SSNA1: variants seen among roughly 807,000 people sequenced by gnomAD.
SSNA1 encodes microtubule nucleation factor SSNA1.
Under a neutral mutation model 13.3 loss-of-function variants are expected in SSNA1, and 13 were observed. That is an observed-to-expected ratio of 0.97 (90% confidence interval 0.63 to 1.55). The LOEUF (loss-of-function observed/expected upper bound fraction) is 1.55. SSNA1 is among the 40% of genes most tolerant of loss of function. The probability of loss-of-function intolerance (pLI) is 0.00; values close to 1 mark genes in which losing one functional copy is unlikely to be tolerated. For missense variants in SSNA1, 186 were observed against 152.7 expected (o/e 1.22, Z -1.15); for synonymous variants, 89 against 65.9 (o/e 1.35, Z -1.70).
rs1564381004 is a variant in SSNA1, at chr9:137,188,697, G to GGGGTGGTGGGGCCCC, written c.-26_-12dup. 6.3e-7 allele frequency: 1 copy of GGGGTGGTGGGGCCCC among 1,575,666 alleles called. No individual in the cohort carries two copies. Among genetic ancestry groups the GGGGTGGTGGGGCCCC allele is most frequent in the Non-Finnish European group, 8.5e-7 (1 of 1,169,644 alleles). On this transcript the variant is annotated 5_prime_UTR_variant, in exon 1 of 3. Coordinates refer to ENST00000322310, the MANE Select transcript of SSNA1 (RefSeq NM_003731.3). ...GGACAGCGCTGCTTCCGCGGCGGTT[G>GGGGTGGTGGGGCCCC]GGGTGGTGGGGCCCCGGGCGGCGTT...
chr9:137,188,919 G>A (rs986607351), intron 1 of SSNA1, 141 bp downstream of exon 1: 21 of 1,318,706 alleles, frequency 1.6e-5, no homozygotes, highest in Non-Finnish European at 2.0e-5. Context: ...CCGGGTGTCC[G>A]TGGCCCGAGC....
intron 1 of SSNA1, 81 bp downstream of exon 1, chr9:137,188,859 C>T (rs907457515): frequency 1.4e-6 from 2 of 1,431,176 alleles, no homozygotes; most frequent in Middle Eastern, 2.3e-4. Flanking sequence ...CCCCTGGACC[C>T]GCCTCGCTGC....
At chr9:137,189,008 G>T (rs952993644) in intron 1 of SSNA1, 58 bp from the exon 2 acceptor site, 15 of 1,528,718 alleles carry the variant, frequency 9.8e-6, no homozygotes, top group Non-Finnish European at 1.2e-5. Context: ...AAGGAGGCCC[G>T]CCCTCCGCCG....
Position 137,190,266 on chromosome 9 carries a change from G to A in SSNA1, c.*352G>A. ...CCCTCCTCAGCCAGCAGAGGCCCAG[G>A]GCAAGGGACAGGAGGACAGGGGTTC... On this transcript the variant is annotated 3_prime_UTR_variant, in exon 3 of 3. Transcript: ENST00000322310. The A allele has an allele frequency of 3.3e-6, 1 of 305,580 alleles. No homozygotes were observed. The highest frequency in any genetic ancestry group is 6.3e-6 in the Non-Finnish European group (1 of 158,822). The allele number at this position is 305,580 out of a possible 1,614,324, so 18.9% of individuals were successfully genotyped here. A position where few individuals can be genotyped will look rare whatever the true frequency, so the allele number is the denominator to read the frequency against.
In SSNA1 at chr9:137,190,096, G is replaced by C; in HGVS notation, c.*182G>C. ...AAGCCCAGGGCACAGCCCACCCGGG[G>C]GTCCTCGCTTCATGCTCACACAGGC... On this transcript the variant is annotated 3_prime_UTR_variant, in exon 3 of 3. Coordinates refer to ENST00000322310, the MANE Select transcript of SSNA1 (RefSeq NM_003731.3). 1 of 594,608 alleles carries C rather than the reference G, an allele frequency of 1.7e-6. No homozygotes were observed. The highest frequency in any genetic ancestry group is 3.0e-6 in the Non-Finnish European group (1 of 335,272). 36.8% of individuals were successfully genotyped at this position (594,608 alleles called of 1,614,324 possible). A position where few individuals can be genotyped will look rare whatever the true frequency, so the allele number is the denominator to read the frequency against.
In SSNA1 at chr9:137,190,116, A is replaced by G; in HGVS notation, c.*202A>G. 1.8e-6 allele frequency: 1 copy of G among 561,914 alleles called. No individual in the cohort carries two copies. The highest frequency in any genetic ancestry group is 3.2e-6 in the Non-Finnish European group (1 of 312,784). 34.8% of individuals were successfully genotyped at this position (561,914 alleles called of 1,614,324 possible). A position where few individuals can be genotyped will look rare whatever the true frequency, so the allele number is the denominator to read the frequency against. The stretch of plus-strand genomic sequence containing the variant: ...CCGGGGGTCCTCGCTTCATGCTCAC[A>G]CAGGCTATGGGGATGGTGGGCTCCA... On this transcript the variant is annotated 3_prime_UTR_variant, in exon 3 of 3. Transcript: ENST00000322310.
At position 137,189,196 on chromosome 9, in the gene SSNA1, GGCAC is replaced by G. The variant is rs1834556749; in HGVS notation, c.187_190del (p.Lys64LeufsTer39). On this transcript the variant is annotated frameshift_variant, in exon 2 of 3. Transcript: ENST00000322310. LOFTEE classifies it high-confidence loss of function. ...AGCTGGCCCGCGTCAACGAGAACCT[GGCAC>G]GCAAGATTGCCTCTCGCAACGAGTT... 6.2e-7 allele frequency: 1 copy of G among 1,613,214 alleles called. No individual in the cohort carries two copies. The highest frequency in any genetic ancestry group is 8.5e-7 in the Non-Finnish European group (1 of 1,179,994).
In SSNA1 at chr9:137,188,715, G is replaced by T; in HGVS notation, c.-12G>T. On this transcript the variant is annotated 5_prime_UTR_variant, in exon 1 of 3. Transcript: ENST00000322310. The stretch of plus-strand genomic sequence containing the variant: ...GGCGGTTGGGGTGGTGGGGCCCCGG[G>T]CGGCGTTGACCATGACCCAGCAGGG... 2 of 1,582,292 alleles carry T rather than the reference G, an allele frequency of 1.3e-6. No individual in the cohort carries two copies. The highest frequency in any genetic ancestry group is 1.1e-5 in the South Asian group (1 of 89,166).
chr9:137,189,388 G>A, intron 2 of SSNA1, 123 bp downstream of exon 2: 1 of 1,175,396 alleles, frequency 8.5e-7, no homozygotes, highest in Non-Finnish European at 1.2e-6. Context: ...CTGGCATTTC[G>A]GGCAGGGGCA....
chr9:137,190,069 A>T lies in SSNA1; in HGVS notation c.*155A>T. The T allele has an allele frequency of 5.8e-6, 4 of 686,206 alleles. No individual in the cohort carries two copies. Among genetic ancestry groups the T allele is most frequent in the Non-Finnish European group, 9.9e-6 (4 of 403,658 alleles). The allele number at this position is 686,206 out of a possible 1,614,324, so 42.5% of individuals were successfully genotyped here. A position where few individuals can be genotyped will look rare whatever the true frequency, so the allele number is the denominator to read the frequency against. On this transcript the variant is annotated 3_prime_UTR_variant, in exon 3 of 3. Coordinates refer to ENST00000322310, the MANE Select transcript of SSNA1 (RefSeq NM_003731.3). ...GTGCCAGCCTCCACTGGCATCAGTG[A>T]CAAGCCCAGGGCACAGCCCACCCGG...
chr9:137,188,777 G>T lies in SSNA1; in HGVS notation c.51G>T (p.Lys17Asn). Reference sequence around the variant, plus strand: ...AGAACTACAACAACGAGCTGGTCAAGTGTGAGCGGCGCAGCCGGGACGGGG... The same window carrying T: ...AGAACTACAACAACGAGCTGGTCAATTGTGAGCGGCGCAGCCGGGACGGGG... Reference protein sequence around the residue: ...ALQNYNNELVKCIEELCQKRE... With the variant: ...ALQNYNNELVNCIEELCQKRE... Residue 17 changes from lysine (K) to asparagine (N), a missense_variant and splice_region_variant, in exon 1 of 3, where the codon AAG becomes AAT. Transcript: ENST00000322310. The T allele has an allele frequency of 6.3e-7, 1 of 1,577,502 alleles. No homozygotes were observed.
intron 2 of SSNA1, 127 bp downstream of exon 2, chr9:137,189,392 A>G (rs1834562479): frequency 1.7e-6 from 2 of 1,159,210 alleles, no homozygotes; most frequent in Admixed American, 4.0e-5. Flanking sequence ...CATTTCGGGC[A>G]GGGGCAGCGT....
In SSNA1 at chr9:137,189,092, G is replaced by A. The variant is rs757524607; in HGVS notation, c.79G>A (p.Glu27Lys). Residue 27 changes from glutamate to lysine, a missense_variant, in exon 2 of 3, where the codon GAG (glutamate) becomes AAG (lysine). By Grantham distance (56) the Glu-to-Lys change is moderately conservative (BLOSUM62 1). Transcript: ENST00000322310. ...CATAGAGGAGCTGTGCCAGAAGCGG[G>A]AGGAGCTGTGCCGGCAGATCCAGGA... ...KCIEELCQKR[E>K]ELCRQIQEEE... 2 of 1,587,874 alleles carry A rather than the reference G, an allele frequency of 1.3e-6. No individual in the cohort carries two copies. The highest frequency in any genetic ancestry group is 1.3e-5 in the African/African-American group (1 of 74,204).
At position 137,189,135 on chromosome 9, in the gene SSNA1, A is replaced by G. The variant is rs1834555238; in HGVS notation, c.122A>G (p.Gln41Arg). The G allele has an allele frequency of 6.2e-7, 1 of 1,610,120 alleles. No individual in the cohort carries two copies. The highest frequency in any genetic ancestry group is 8.5e-7 in the Non-Finnish European group (1 of 1,178,740). The change falls in exon 2 of 3, where the codon CAG becomes CGG. Residue 41 changes from glutamine (Q) to arginine (R), a missense_variant. Physicochemically the swap from Gln to Arg is conservative, Grantham distance 43 (BLOSUM62 1). Transcript: ENST00000322310. ...ATCCAGGAGGAGGAGGACGAGAAGCAGCGGCTGCAGAATGAGGTGAGGCAG... is the reference window on the plus strand; with the variant it reads ...ATCCAGGAGGAGGAGGACGAGAAGCGGCGGCTGCAGAATGAGGTGAGGCAG... ...RQIQEEEDEK[Q>R]RLQNEVRQLT...
At position 137,190,229 on chromosome 9, in the gene SSNA1, C is replaced by T. The variant is rs1014952097; in HGVS notation, c.*315C>T. 5 of 358,084 alleles carry T rather than the reference C, an allele frequency of 1.4e-5. No individual in the cohort carries two copies. The highest frequency in any genetic ancestry group is 3.0e-5 in the South Asian group (1 of 33,032). The allele number at this position is 358,084 out of a possible 1,614,324, so 22.2% of individuals were successfully genotyped here. On this transcript the variant is annotated 3_prime_UTR_variant, in exon 3 of 3. Transcript: ENST00000322310. ...TGGTTGTCTGAGCACCATGGGGGCCCCCTCACCTTGTCCCTCCTCAGCCAG... is the reference window on the plus strand; with the variant it reads ...TGGTTGTCTGAGCACCATGGGGGCCTCCTCACCTTGTCCCTCCTCAGCCAG...
chr9:137,188,743 C>T lies in SSNA1; in HGVS notation c.17C>T (p.Ala6Val), dbSNP rs746404561. 5.0e-6 allele frequency: 8 copies of T among 1,585,552 alleles called. No individual in the cohort carries two copies. Among genetic ancestry groups the T allele is most frequent in the Non-Finnish European group, 6.8e-6 (8 of 1,173,512 alleles). Residue 6 changes from alanine (A) to valine (V), a missense_variant, in exon 1 of 3, where the codon GCG becomes GTG. By Grantham distance (64) the Ala-to-Val change is moderately conservative (BLOSUM62 0). Transcript: ENST00000322310. ...GCGTTGACCATGACCCAGCAGGGCG[C>T]GGCGCTGCAGAACTACAACAACGAG... MTQQG[A>V]ALQNYNNELV...
Position 137,189,260 on chromosome 9 carries a change from C to A in SSNA1, c.247C>A (p.Leu83Ile), listed in dbSNP as rs201585134. The A allele has an allele frequency of 6.2e-7, 1 of 1,613,034 alleles. No homozygotes were observed. The highest frequency in any genetic ancestry group is 2.2e-5 in the East Asian group (1 of 44,880). Residue 83 changes from leucine to isoleucine, a missense_variant, in exon 2 of 3, where the codon CTC becomes ATC. Physicochemically the swap from Leu to Ile is conservative, Grantham distance 5. Transcript: ENST00000322310. Reference sequence around the variant, plus strand: ...CATCGCGGAGACGGAGGCCGCCTACCTCAAGGTGGAGCTCGGGAGGCCAGG... The same window carrying A: ...CATCGCGGAGACGGAGGCCGCCTACATCAAGGTGGAGCTCGGGAGGCCAGG... Reference protein sequence around the residue: ...RTIAETEAAYLKILESSQTLL... With the variant: ...RTIAETEAAYIKILESSQTLL...
intron 2 of SSNA1, 121 bp from the exon 3 acceptor site, chr9:137,189,686 A>G: frequency 1.1e-6 from 1 of 876,804 alleles, no homozygotes; most frequent in Non-Finnish European, 1.8e-6. Flanking sequence ...CTTCCCCCAC[A>G]CAGGATCCCT....
rs1489691913 is a variant in SSNA1 at position 137,189,089 on chromosome 9, C to A, written c.76C>A (p.Arg26=). Residue 26 remains arginine, a synonymous_variant, in exon 2 of 3, where the codon CGG becomes AGG. Transcript: ENST00000322310. ...AGGCATAGAGGAGCTGTGCCAGAAG[C>A]GGGAGGAGCTGTGCCGGCAGATCCA... The part of the protein sequence containing the change: ...VKCIEELCQK[R]EELCRQIQEE... 2 of 1,583,748 alleles carry A rather than the reference C, an allele frequency of 1.3e-6. No individual in the cohort carries two copies. Among genetic ancestry groups the A allele is most frequent in the Non-Finnish European group, 1.7e-6 (2 of 1,164,174 alleles).
Sources: gnomAD v4.1 joint callset for allele counts on GRCh38, gnomAD v4.1.1 for gene constraint, MANE v1.5 for transcripts, NCBI Gene and HGNC (gene_info 2026-07-23, HGNC 2026-07-21) for gene names.